The following SLMAP variants were observed in gnomAD, a reference collection of about 807,000 sequenced individuals.
SLMAP encodes sarcolemma associated protein.
Under a neutral mutation model 128.8 loss-of-function variants are expected in SLMAP, and 44 were observed. The ratio of observed to expected loss-of-function variants is 0.34; its 90% confidence interval spans 0.27 to 0.44. The LOEUF is 0.44. SLMAP is among the 20% of genes least tolerant of loss of function. The probability of loss-of-function intolerance (pLI) is 1.00; values close to 1 mark genes in which losing one functional copy is unlikely to be tolerated. For missense variants in SLMAP, 787 were observed against 985.3 expected, an observed-to-expected ratio of 0.80 and a Z score of 2.69; for synonymous variants, 327 against 348.8, an observed-to-expected ratio of 0.94 and a Z score of 0.70.
chr3:57,866,227 G>C (rs2095298509), intron 13 of SLMAP, among the ~76,000 whole-genome samples: 1 of 151,922 alleles, frequency 6.6e-6, no homozygotes, highest in Non-Finnish European at 1.5e-5. Context: ...AGCCATAATT[G>C]TGCCACTGCA....
chr3:57,926,158 T>G, intron 24 of SLMAP: 1 of 532,774 alleles, frequency 1.9e-6, no homozygotes, highest in Non-Finnish European at 3.3e-6. Context: ...ATGAGTTAAT[T>G]CCAACCTAAC....
intron 2 of SLMAP, among the ~76,000 whole-genome samples, chr3:57,772,645 AT>A (rs534768684): frequency 4.9e-4 from 71 of 145,288 alleles, no homozygotes; most frequent in Admixed American, 1.1e-3. Flanking sequence ...CTTTTTTTTA[AT>A]TTTTTTTTTT....
intron 2 of SLMAP, among the ~76,000 whole-genome samples, chr3:57,760,633 G>T (rs1279786555): frequency 6.6e-6 from 1 of 152,006 alleles, no homozygotes; most frequent in Non-Finnish European, 1.5e-5. Context: ...AGGCACGAGG[G>T]TTGCTTGAGC....
intron 15 of SLMAP, among the ~76,000 whole-genome samples, chr3:57,894,317 G>A (rs868248030): frequency 7.2e-4 from 109 of 152,102 alleles, no homozygotes; most frequent in African/African-American, 2.5e-3. Flanking sequence ...AATCTACATG[G>A]GGTCATATTA....
intron 4 of SLMAP, among the ~76,000 whole-genome samples, chr3:57,843,639 T>C (rs17666667): frequency 0.33 from 50,001 of 151,226 alleles, 8,893 homozygotes; most frequent in East Asian, 0.48. Flanking sequence ...CAGAGAGGCC[T>C]GGTCAATAAT....
At position 57,849,806 on chromosome 3, in the gene SLMAP, A is replaced by T. The variant is rs972135962; in HGVS notation, c.509A>T (p.Gln170Leu). ...MYSQELFQLS[Q>L]YLQEALHREQ... is the part of the protein sequence containing the mutation. ...TCTCAGGAACTATTCCAGCTTTCTC[A>T]GTATCTACAGGTAAAAGTACATCTT... The change falls in exon 6 of 25, where the codon CAG (glutamine) becomes CTG (leucine). Residue 170 changes from glutamine to leucine, a missense_variant. Physicochemically the swap from Gln to Leu is moderately radical, Grantham distance 113 (BLOSUM62 -2). This residue lies in a region of SLMAP where 715 missense variants were observed against 843.6 expected (regional missense o/e 0.85). Transcript: ENST00000671191. 2.6e-6 allele frequency: 4 copies of T among 1,529,820 alleles called. No homozygotes were observed. Among genetic ancestry groups the T allele is most frequent in the Non-Finnish European group, 3.6e-6 (4 of 1,103,294 alleles). 94.8% of individuals were successfully genotyped at this position (1,529,820 alleles called of 1,614,324 possible). A position where few individuals can be genotyped will look rare whatever the true frequency, so the allele number is the denominator to read the frequency against.
At chr3:57,888,483 G>A (rs1168550542) in intron 14 of SLMAP, among the ~76,000 whole-genome samples, 2 of 151,970 alleles carry the variant, frequency 1.3e-5, no homozygotes, top group Admixed American at 6.6e-5. Flanking sequence ...TGGGTGTGGT[G>A]GTGCGCACTC....
At chr3:57,851,084 G>A (rs1161045703) in intron 6 of SLMAP, among the ~76,000 whole-genome samples, 2 of 152,164 alleles carry the variant, frequency 1.3e-5, no homozygotes, top group African/African-American at 2.4e-5. Context: ...GTCTTACAAG[G>A]TGCATATTTT....
chr3:57,758,602 C>G (rs2078029586), intron 2 of SLMAP, among the ~76,000 whole-genome samples: 1 of 152,158 alleles, frequency 6.6e-6, no homozygotes, highest in Non-Finnish European at 1.5e-5. Context: ...AAATTATACC[C>G]TATTCTGTCA....
At chr3:57,848,271 T>A (rs1355502263) in intron 5 of SLMAP, among the ~76,000 whole-genome samples, 1 of 149,798 alleles carries the variant, frequency 6.7e-6, no homozygotes, top group East Asian at 2.0e-4. Flanking sequence ...CTCCTCCTCT[T>A]ACTCCATCTT....
intron 17 of SLMAP, chr3:57,898,427 A>G (rs1353988937): frequency 1.3e-5 from 2 of 151,398 alleles, no homozygotes; most frequent in Non-Finnish European, 2.9e-5. Flanking sequence ...GCACTACAGA[A>G]CTCTCTTTTT....
intron 18 of SLMAP, 58 bp downstream of exon 18, chr3:57,908,064 G>A (rs2096610385): frequency 2.4e-5 from 38 of 1,552,902 alleles, no homozygotes; most frequent in Non-Finnish European, 3.1e-5. Flanking sequence ...CAATATAATT[G>A]GGTGGCCCCA....
At chr3:57,826,183 A>G (rs1161434098) in intron 2 of SLMAP, among the ~76,000 whole-genome samples, 4 of 151,678 alleles carry the variant, frequency 2.6e-5, no homozygotes, top group Admixed American at 2.0e-4. Context: ...TATTCTTTTG[A>G]GTTATTTCAC....
chr3:57,779,558 C>T (rs1239242335), intron 2 of SLMAP, among the ~76,000 whole-genome samples: 2 of 149,550 alleles, frequency 1.3e-5, no homozygotes, highest in South Asian at 2.1e-4. Flanking sequence ...AATCACCATA[C>T]GTACTGATAT....
At chr3:57,843,897 C>T (rs1368760971) in intron 4 of SLMAP, among the ~76,000 whole-genome samples, 1 of 149,898 alleles carries the variant, frequency 6.7e-6, no homozygotes, top group African/African-American at 2.4e-5. Flanking sequence ...TCTCCTACCT[C>T]AACCTCCCAA....
intron 2 of SLMAP, chr3:57,800,864 C>T (rs561255805): frequency 1.5e-4 from 27 of 178,240 alleles, no homozygotes; most frequent in Middle Eastern, 1.6e-3. Context: ...TCATTCAGAC[C>T]TCATCTTTTC....
chr3:57,777,445 C>T (rs1014879106), intron 2 of SLMAP, among the ~76,000 whole-genome samples: 2 of 151,810 alleles, frequency 1.3e-5, no homozygotes, highest in South Asian at 2.1e-4. Context: ...AATAGCCAGG[C>T]GCAGTGGCAC....
chr3:57,817,663 T>A (rs2092023120), intron 2 of SLMAP, among the ~76,000 whole-genome samples: 1 of 152,212 alleles, frequency 6.6e-6, no homozygotes, highest in Non-Finnish European at 1.5e-5. Context: ...TGTGGGATGC[T>A]GCTTATTTCA....
At chr3:57,855,341 G>A (rs772398655) in intron 6 of SLMAP, among the ~76,000 whole-genome samples, 108 of 152,008 alleles carry the variant, frequency 7.1e-4, no homozygotes, top group Admixed American at 9.8e-4. Flanking sequence ...TCACACCACT[G>A]CACTCCAGCC....
Sources: allele counts gnomAD v4.1 joint callset (sites outside exome capture counted in the v4.1 genomes callset), GRCh38; gene constraint gnomAD v4.1.1; regional missense constraint gnomAD v4.1.1; transcripts MANE v1.5; gene names NCBI Gene and HGNC (gene_info 2026-07-23, HGNC 2026-07-21).